The following CYP11A1 variants were observed in gnomAD, a reference collection of about 807,000 sequenced individuals.
The protein encoded by CYP11A1 is cholesterol side-chain cleavage enzyme, mitochondrial.
In CYP11A1, 25 loss-of-function variants were observed where a neutral mutation model predicts 51.9. The ratio of observed to expected loss-of-function variants is 0.48; its 90% CI spans 0.35 to 0.67. The LOEUF is 0.67. CYP11A1 is among the 30% of genes least tolerant of loss of function. The pLI is 0.00. For missense variants in CYP11A1, 578 were observed against 680.9 expected, an observed-to-expected ratio of 0.85 and a Z score of 1.68; for synonymous variants, 245 against 262.1, an observed-to-expected ratio of 0.93 and a Z score of 0.63.
intron 8 of CYP11A1, 46 bp from the exon 9 acceptor site, chr15:74,338,149 T>A (rs775753711): frequency 1.2e-6 from 2 of 1,612,866 alleles, no homozygotes; most frequent in Non-Finnish European, 8.5e-7. Context: ...GGGGAGGATC[T>A]GTCTCCCTAG....
intron 1 of CYP11A1, among the ~76,000 whole-genome samples, chr15:74,356,921 T>C (rs11072479): frequency 0.68 from 103,844 of 152,042 alleles, 35,518 homozygotes; most frequent in Non-Finnish European, 0.71. Context: ...GCTAATATCC[T>C]ATCCCACAGC....
In CYP11A1 at chr15:74,367,537, G is replaced by A. The variant is rs377595586; in HGVS notation, c.49C>T (p.Gln17Ter). ...TCCCTGGGGGCACTCAGAAAGGTCT[G>A]GCAGCCTTTGACCAGGACTGAGCGT... ...PPRSVLVKGC[Q>*]TFLSAPREGL... Residue 17 changes from glutamine (Q) to a stop codon, truncating the protein, a stop_gained, in exon 1 of 9, where the codon CAG becomes TAG. Transcript: ENST00000268053. LOFTEE classifies it high-confidence loss of function. 6 of 1,614,060 alleles carry A rather than the reference G, an allele frequency of 3.7e-6. No individual in the cohort carries two copies. The African/African-American group carries it at 8.0e-5, about 22-fold the overall frequency.
At position 74,338,659 on chromosome 15, in the gene CYP11A1, T is replaced by C. The variant is rs538118268; in HGVS notation, c.1346A>G (p.Tyr449Cys). 2 of 1,614,116 alleles carry C rather than the reference T, an allele frequency of 1.2e-6. No homozygotes were observed. Among genetic ancestry groups the C allele is most frequent in the Admixed American group, 1.7e-5 (1 of 60,026 alleles). The change falls in exon 8 of 9, where the codon TAC becomes TGC. Residue 449 changes from tyrosine (Y) to cysteine (C), a missense_variant. Physicochemically the swap from Tyr to Cys is radical, Grantham distance 194. Transcript: ENST00000268053. ...CCAGCCAAAGCCCAAGTTCCGGAAG[T>C]AGGTGATGTTCTTGTCTTTGCTCAG... The part of the protein sequence containing the change: ...RWLSKDKNIT[Y>C]FRNLGFGWGV...
chr15:74,362,807 T>C (rs1252755533), intron 1 of CYP11A1: 1 of 152,260 alleles, frequency 6.6e-6, no homozygotes, highest in Non-Finnish European at 1.5e-5. Context: ...TGTGCACTTA[T>C]GGGGAACATT....
intron 1 of CYP11A1, chr15:74,365,747 C>T (rs1412750816): frequency 1.0e-6 from 1 of 985,520 alleles, no homozygotes; most frequent in Non-Finnish European, 1.2e-6. Flanking sequence ...CCGGTGGGCT[C>T]GGGTGAGCTC....
intron 1 of CYP11A1, 200 bp downstream of exon 1, chr15:74,367,117 C>T (rs578082867): frequency 3.2e-6 from 2 of 624,796 alleles, no homozygotes; most frequent in African/African-American, 3.7e-5. Context: ...GTACTTAAGA[C>T]ATTCACAGAT....
chr15:74,347,654 TTTAA>T (rs780608075), intron 2 of CYP11A1, among the ~76,000 whole-genome samples: 11 of 152,188 alleles, frequency 7.2e-5, no homozygotes, highest in Non-Finnish European at 1.6e-4. Flanking sequence ...TTGCCAGATC[TTTAA>T]TTATTCATTA....
intron 2 of CYP11A1, among the ~76,000 whole-genome samples, chr15:74,346,194 A>G (rs1278649650): frequency 1.3e-5 from 2 of 152,042 alleles, no homozygotes; most frequent in African/African-American, 4.8e-5. Flanking sequence ...CTCTACTGAA[A>G]ATACAAAAAT....
intron 6 of CYP11A1, 34 bp from the exon 7 acceptor site, chr15:74,339,349 C>T: frequency 6.2e-7 from 1 of 1,602,530 alleles, no homozygotes; most frequent in Non-Finnish European, 8.6e-7. Context: ...GCTGATGGCC[C>T]CAAAGGCTGG....
intron 1 of CYP11A1, chr15:74,363,261 GTCTC>G (rs909100398): frequency 3.3e-5 from 5 of 152,220 alleles, no homozygotes; most frequent in African/African-American, 1.2e-4. Context: ...GATTAGTCAA[GTCTC>G]TCTCTGTTGC....
At chr15:74,346,088 C>T (rs1249957358) in intron 2 of CYP11A1, among the ~76,000 whole-genome samples, 1 of 152,168 alleles carries the variant, frequency 6.6e-6, no homozygotes, top group Non-Finnish European at 1.5e-5. Context: ...CACAGTGGCT[C>T]ACGCCTGTAA....
chr15:74,357,094 C>T (rs2060683929), intron 1 of CYP11A1, among the ~76,000 whole-genome samples: 2 of 152,152 alleles, frequency 1.3e-5, no homozygotes, highest in Non-Finnish European at 2.9e-5. Context: ...ATTGTTTTGC[C>T]TATCCACCCC....
intron 5 of CYP11A1, among the ~76,000 whole-genome samples, chr15:74,340,431 G>T (rs1159305925): frequency 6.6e-6 from 1 of 152,142 alleles, no homozygotes; most frequent in Non-Finnish European, 1.5e-5. Context: ...AGGCCCGTTT[G>T]GGACTCCAGC....
chr15:74,342,323 C>G (rs2060610831), intron 5 of CYP11A1, among the ~76,000 whole-genome samples: 1 of 152,144 alleles, frequency 6.6e-6, no homozygotes, highest in Non-Finnish European at 1.5e-5. Context: ...ACCTCATGAT[C>G]CGCCCACCTC....
chr15:74,351,470 C>A (rs1260108822), intron 1 of CYP11A1, among the ~76,000 whole-genome samples: 1 of 152,120 alleles, frequency 6.6e-6, no homozygotes, highest in Non-Finnish European at 1.5e-5. Context: ...CAAAAAAAGC[C>A]CACGCAGCAT....
At chr15:74,359,077 C>G (rs959064233) in intron 1 of CYP11A1, among the ~76,000 whole-genome samples, 2 of 152,338 alleles carry the variant, frequency 1.3e-5, no homozygotes, top group African/African-American at 4.8e-5. Flanking sequence ...CTGTTTTTCT[C>G]CTTCTCTTAT....
chr15:74,352,600 G>C (rs1245591427), intron 1 of CYP11A1, among the ~76,000 whole-genome samples: 1 of 152,098 alleles, frequency 6.6e-6, no homozygotes, highest in Non-Finnish European at 1.5e-5. Flanking sequence ...CCTGGGAGCT[G>C]CTTGGGGCGA....
Position 74,360,551 on chromosome 15 carries a change from T to G in CYP11A1, c.269+6766A>C, listed in dbSNP as rs2060703682. Reference sequence around the variant, plus strand: ...CACCCGCCTCGGCCTCCCAAAGTGCTGGGATTACAGGAGTGAGCCACCGCG... The same window carrying G: ...CACCCGCCTCGGCCTCCCAAAGTGCGGGGATTACAGGAGTGAGCCACCGCG... On this transcript the variant is annotated intron_variant, in intron 1 of 8. Coordinates refer to ENST00000268053, the MANE Select transcript of CYP11A1 (RefSeq NM_000781.3). 2.0e-5 allele frequency among the ~76,000 whole-genome samples: 3 copies of G among 149,586 alleles called. 1 individual carries two copies. The South Asian group carries it at 6.8e-4, about 34-fold the overall frequency.
At chr15:74,342,535 G>A (rs999687438) in intron 5 of CYP11A1, among the ~76,000 whole-genome samples, 4 of 152,168 alleles carry the variant, frequency 2.6e-5, no homozygotes, top group African/African-American at 7.2e-5. Context: ...GACCATGGAC[G>A]GCAGAGCCCA....
Sources: allele counts gnomAD v4.1 joint callset (sites outside exome capture counted in the v4.1 genomes callset), GRCh38; gene constraint gnomAD v4.1.1; transcripts MANE v1.5; gene names NCBI Gene and HGNC (gene_info 2026-07-23, HGNC 2026-07-21).